TPR: variants seen among roughly 807,000 people sequenced by gnomAD.
TPR encodes the protein nucleoprotein TPR.
TPR carries 51 observed loss-of-function variants against 316.1 expected under a neutral mutation model. The observed-to-expected ratio is 0.16, with a 90% CI of 0.13 to 0.20. The LOEUF (loss-of-function observed/expected upper bound fraction) is 0.20. Among genes scored for constraint, TPR ranks in the 10% least tolerant of loss-of-function variants. The pLI is 1.00. For missense variants in TPR, 2,272 were observed against 2,754.8 expected, an observed-to-expected ratio of 0.82 and a Z score of 3.92; for synonymous variants, 981 against 914.7, an observed-to-expected ratio of 1.07 and a Z score of -1.31.
rs372715575 is a variant in TPR, at chr1:186,370,986, C to A, written c.314G>T (p.Arg105Leu). ...KNKELEIAQD[R>L]NIAIQSQFTR... ...ATCTCTTACCTGAATGGCAATATTG[C>A]GATCCTGAGCAATTTCAAGTTCTTT... The change falls in exon 3 of 51, where the codon CGC becomes CTC. Residue 105 changes from arginine (R) to leucine (L), a missense_variant. This residue lies in a region of TPR where 549 missense variants were observed against 598.6 expected (regional missense o/e 0.92). Transcript: ENST00000367478. 1.1e-4 allele frequency: 172 copies of A among 1,612,310 alleles called. No individual in the cohort carries two copies. The highest frequency in any genetic ancestry group is 3.1e-4 in the African/African-American group (23 of 74,866).
intron 12 of TPR, among the ~76,000 whole-genome samples, chr1:186,359,569 A>G (rs1659121241): frequency 6.6e-6 from 1 of 152,106 alleles, no homozygotes; most frequent in Admixed American, 6.6e-5. Flanking sequence ...AATGCATTAA[A>G]AAAAGGTTAA....
At position 186,355,453 on chromosome 1, in the gene TPR, G is replaced by T; in HGVS notation, c.2128C>A (p.Gln710Lys). Reference protein sequence around the residue: ...LQEQVTDLRSQNTKISTQLDF... With the variant: ...LQEQVTDLRSKNTKISTQLDF... Reference sequence around the variant, plus strand: ...AGCTGGGTAGAAATTTTGGTATTTTGTGATCGCAAATCTGTAACTTGTTCT... The same window carrying T: ...AGCTGGGTAGAAATTTTGGTATTTTTTGATCGCAAATCTGTAACTTGTTCT... The change falls in exon 17 of 51, where the codon CAA (glutamine) becomes AAA (lysine). Residue 710 changes from glutamine (Q) to lysine (K), a missense_variant. Transcript: ENST00000367478. 1 of 1,611,656 alleles carries T rather than the reference G, an allele frequency of 6.2e-7. No individual in the cohort carries two copies. The highest frequency in any genetic ancestry group is 8.5e-7 in the Non-Finnish European group (1 of 1,179,598).
rs200390468 is a variant in TPR at position 186,359,851 on chromosome 1, C to T, written c.1337G>A (p.Arg446His). 1.8e-5 allele frequency: 28 copies of T among 1,599,048 alleles called. No individual in the cohort carries two copies. The highest frequency in any genetic ancestry group is 2.0e-5 in the Non-Finnish European group (23 of 1,176,294). ...TAAACTTGCTACAGCTTTCTGTGCA[C>T]GTTCATATTCCTCACGCTGGCGTTT... ...ILKRQREEYERAQKAVASLSV... is the reference protein window; with the variant it reads ...ILKRQREEYEHAQKAVASLSV... The change falls in exon 12 of 51, where the codon CGT (arginine) becomes CAT (histidine). Residue 446 changes from arginine to histidine, a missense_variant. This residue lies in a region of TPR where 549 missense variants were observed against 598.6 expected (regional missense o/e 0.92). Coordinates refer to ENST00000367478, the MANE Select transcript of TPR (RefSeq NM_003292.3).
In TPR at chr1:186,313,672, T is replaced by G; in HGVS notation, c.*299A>C. On this transcript the variant is annotated 3_prime_UTR_variant, in exon 51 of 51. Coordinates refer to ENST00000367478, the MANE Select transcript of TPR (RefSeq NM_003292.3). Reference sequence around the variant, plus strand: ...TTTTAACTAAAAAAATGTTTTCTCTTCCATTTAGATCAATACTATAACATT... The same window carrying G: ...TTTTAACTAAAAAAATGTTTTCTCTGCCATTTAGATCAATACTATAACATT... 6.5e-7 allele frequency: 1 copy of G among 1,545,006 alleles called. No individual in the cohort carries two copies. The highest frequency in any genetic ancestry group is 1.4e-5 in the African/African-American group (1 of 73,448).
At chr1:186,345,846 T>C (rs1053229212) in intron 23 of TPR, 150 bp from the exon 24 acceptor site, 3 of 664,864 alleles carry the variant, frequency 4.5e-6, no homozygotes, top group East Asian at 5.5e-5. Context: ...TACACCCTGA[T>C]ATAATCAGTT....
At chr1:186,329,936 C>G (rs1004232743) in intron 39 of TPR, among the ~76,000 whole-genome samples, 1 of 152,142 alleles carries the variant, frequency 6.6e-6, no homozygotes, top group African/African-American at 2.4e-5. Context: ...GGGTTTGAAT[C>G]TGAGCTCCAA....
At chr1:186,358,804 A>G in intron 12 of TPR, among the ~76,000 whole-genome samples, 154 bp from the exon 13 acceptor site, 1 of 152,176 alleles carries the variant, frequency 6.6e-6, no homozygotes, top group East Asian at 1.9e-4. Context: ...GAAGTTTTGT[A>G]TAAATTTGAA....
intron 18 of TPR, among the ~76,000 whole-genome samples, chr1:186,352,845 C>T (rs1189034429): frequency 6.6e-6 from 1 of 152,116 alleles, no homozygotes; most frequent in Non-Finnish European, 1.5e-5. Flanking sequence ...GTCTGTTTTA[C>T]ACAGGTAAAA....
chr1:186,349,238 G>C (rs1658772651), intron 21 of TPR, among the ~76,000 whole-genome samples: 1 of 152,184 alleles, frequency 6.6e-6, no homozygotes, highest in Admixed American at 6.5e-5. Flanking sequence ...GTAATTTACT[G>C]AACAAATACT....
At chr1:186,359,727 A>G in intron 12 of TPR, 72 bp downstream of exon 12, 1 of 1,430,730 alleles carries the variant, frequency 7.0e-7, no homozygotes, top group Non-Finnish European at 9.4e-7. Flanking sequence ...TCACCTTAAG[A>G]AAAAAAAATA....
chr1:186,362,216 C>A, intron 7 of TPR, 72 bp downstream of exon 7: 1 of 1,277,014 alleles, frequency 7.8e-7, no homozygotes, highest in Non-Finnish European at 1.1e-6. Context: ...AAAATGACAT[C>A]ATTTTGTGAA....
chr1:186,349,308 G>A (rs1400146655), intron 21 of TPR, among the ~76,000 whole-genome samples: 1 of 152,216 alleles, frequency 6.6e-6, no homozygotes, highest in Non-Finnish European at 1.5e-5. Flanking sequence ...GAAAAACTGT[G>A]TAAATCAGAA....
Position 186,341,294 on chromosome 1 carries a change from C to T in TPR, c.3846G>A (p.Glu1282=), listed in dbSNP as rs947959266. 2.5e-6 allele frequency: 4 copies of T among 1,614,054 alleles called. No individual in the cohort carries two copies. Among genetic ancestry groups the T allele is most frequent in the African/African-American group, 1.3e-5 (1 of 75,052 alleles). Residue 1282 remains glutamate (E), a synonymous_variant, in exon 28 of 51, where the codon GAG becomes GAA. Coordinates refer to ENST00000367478, the MANE Select transcript of TPR (RefSeq NM_003292.3). ...GTAGATCCTGTTCTAGTCTCTCCTT[C>T]TCTTCTCTTAGCATTTTATTGGTCT... is the stretch of plus-strand genomic sequence containing the variant. ...VMETNKMLRE[E]KERLEQDLQQ...
At chr1:186,363,487 A>C (rs763048969) in intron 4 of TPR, 42 bp from the exon 5 acceptor site, 2 of 1,276,568 alleles carry the variant, frequency 1.6e-6, no homozygotes, top group Admixed American at 3.8e-5. Flanking sequence ...ACTAATTAAC[A>C]CTCAGGGGAA....
intron 32 of TPR, 28 bp from the exon 33 acceptor site, chr1:186,336,722 T>C (rs750670603): frequency 4.6e-5 from 74 of 1,595,914 alleles, no homozygotes; most frequent in Non-Finnish European, 6.1e-5. Flanking sequence ...GTATTCACCA[T>C]GGAATTCAAT....
At chr1:186,349,019 T>C (rs1346618855) in intron 21 of TPR, among the ~76,000 whole-genome samples, 1 of 152,180 alleles carries the variant, frequency 6.6e-6, no homozygotes, top group Non-Finnish European at 1.5e-5. Flanking sequence ...CTACTCCCAG[T>C]GGGGTCACAT....
At position 186,347,257 on chromosome 1, in the gene TPR, T is replaced by C. The variant is rs780765711; in HGVS notation, c.2943+35A>G. 15 of 1,604,766 alleles carry C rather than the reference T, an allele frequency of 9.3e-6. No individual in the cohort carries two copies. In the Middle Eastern group the frequency reaches 2.0e-3, roughly 214 times the overall value. ...ACTAAAAACAAAGTTAACAAATGTG[T>C]TGAGATTGAATTCTGAATTCAGAAT... On this transcript the variant is annotated intron_variant, in intron 22 of 50. Coordinates refer to ENST00000367478, the MANE Select transcript of TPR (RefSeq NM_003292.3).
intron 24 of TPR, among the ~76,000 whole-genome samples, chr1:186,344,872 A>C (rs1468551612): frequency 6.6e-6 from 1 of 152,210 alleles, no homozygotes; most frequent in African/African-American, 2.4e-5. Flanking sequence ...AATGAAATTT[A>C]CTTTGAAGCA....
intron 15 of TPR, 149 bp from the exon 16 acceptor site, chr1:186,355,917 G>C: frequency 2.1e-6 from 2 of 967,600 alleles, no homozygotes; most frequent in South Asian, 3.7e-5. Context: ...TTTAAATAAG[G>C]AATCTACTAA....
Sources: allele counts gnomAD v4.1 joint callset (sites outside exome capture counted in the v4.1 genomes callset), GRCh38; gene constraint gnomAD v4.1.1; regional missense constraint gnomAD v4.1.1; transcripts MANE v1.5; gene names NCBI Gene and HGNC (gene_info 2026-07-23, HGNC 2026-07-21).